Variants in OTOF observed in about 807,000 individuals in gnomAD.
OTOF encodes otoferlin.
Under a neutral mutation model 236.8 loss-of-function variants are expected in OTOF, and 218 were observed. That is an observed-to-expected ratio of 0.92 (90% CI 0.82 to 1.03). OTOF has a LOEUF of 1.03. Ranked by LOEUF, OTOF falls within the 50% of genes least tolerant of loss-of-function variation. The pLI is 0.00. For synonymous variants in OTOF, 1,041 were observed against 1,072.5 expected (o/e 0.97, Z 0.57); for missense variants, 2,590 against 2,694.4 (o/e 0.96, Z 0.86).
rs202137298 is a variant in OTOF at position 26,476,858 on chromosome 2, C to A, written c.2676+33G>T. On this transcript the variant is annotated intron_variant, in intron 22 of 46. Coordinates refer to ENST00000272371, the MANE Select transcript of OTOF (RefSeq NM_194248.3). ...GGGGCTGCTGCTCCCCTGAAAGGAC[C>A]CAGGCCCCCATCCATCCTGCCCCCT... 1.9e-6 allele frequency: 3 copies of A among 1,598,114 alleles called. No individual in the cohort carries two copies. In the African/African-American group the frequency reaches 4.0e-5, roughly 21 times the overall value.
At chr2:26,480,648 T>C (rs890771151) in intron 15 of OTOF, 138 bp downstream of exon 15, 3 of 732,938 alleles carry the variant, frequency 4.1e-6, no homozygotes, top group Non-Finnish European at 7.1e-6. Flanking sequence ...CTCTGCTTCC[T>C]GGGGAGAAGC....
At chr2:26,464,554 T>G (rs921312655) in intron 39 of OTOF, among the ~76,000 whole-genome samples, 5 of 152,114 alleles carry the variant, frequency 3.3e-5, no homozygotes, top group African/African-American at 4.8e-5. Context: ...AAGAGCCACA[T>G]GACCTTGGGC....
In OTOF at chr2:26,475,390, A is replaced by G. The variant is rs1160763345; in HGVS notation, c.3095T>C (p.Ile1032Thr). ...AHELRDDPPI[I>T]VIEIYDQDSM... ...ATCCTGGTCATAGATTTCAATGACA[A>G]TGATGGGCGGATCGTCCCTCAGCTC... The change falls in exon 25 of 47, where the codon ATT becomes ACT. Residue 1032 changes from isoleucine to threonine, a missense_variant. By Grantham distance (89) the Ile-to-Thr change is moderately conservative (BLOSUM62 -1). Coordinates refer to ENST00000272371, the MANE Select transcript of OTOF (RefSeq NM_194248.3). The G allele has an allele frequency of 2.0e-5, 33 of 1,613,028 alleles. No homozygotes were observed. Among genetic ancestry groups the G allele is most frequent in the Non-Finnish European group, 2.3e-5 (27 of 1,179,980 alleles).
chr2:26,476,480 C>T (rs1233512546), intron 22 of OTOF, among the ~76,000 whole-genome samples, 163 bp from the exon 23 acceptor site: 2 of 148,336 alleles, frequency 1.3e-5, no homozygotes, highest in Non-Finnish European at 3.0e-5. Context: ...GGCAGGGGGC[C>T]GTCATGCCCC....
At chr2:26,490,592 T>C (rs1200065407) in intron 9 of OTOF, among the ~76,000 whole-genome samples, 2 of 152,154 alleles carry the variant, frequency 1.3e-5, no homozygotes, top group Non-Finnish European at 2.9e-5. Context: ...TTGGGGTAAA[T>C]GTCCGAAGAG....
chr2:26,487,507 G>A (rs1274270111), intron 11 of OTOF, among the ~76,000 whole-genome samples: 1 of 152,192 alleles, frequency 6.6e-6, no homozygotes, highest in African/African-American at 2.4e-5. Flanking sequence ...TCCTTATGGT[G>A]AAATGGGAAT....
intron 3 of OTOF, among the ~76,000 whole-genome samples, chr2:26,525,311 A>G (rs1219260209): frequency 1.3e-5 from 2 of 152,312 alleles, no homozygotes; most frequent in Admixed American, 1.3e-4. Context: ...CTTGGAGCCC[A>G]TATGGTGGGG....
intron 15 of OTOF, 34 bp downstream of exon 15, chr2:26,480,752 G>T (rs967256956): frequency 9.6e-6 from 15 of 1,559,998 alleles, no homozygotes; most frequent in African/African-American, 5.4e-5. Flanking sequence ...TGAGCTGGAG[G>T]CCCTGGGGGA....
intron 5 of OTOF, among the ~76,000 whole-genome samples, chr2:26,510,279 T>C (rs1666350438): frequency 2.0e-5 from 3 of 152,082 alleles, no homozygotes; most frequent in Non-Finnish European, 2.9e-5. Flanking sequence ...TCCTCCTCCT[T>C]ATGCCTCCAG....
chr2:26,514,556 C>G (rs1350915813), intron 5 of OTOF, among the ~76,000 whole-genome samples: 2 of 152,228 alleles, frequency 1.3e-5, no homozygotes, highest in African/African-American at 4.8e-5. Flanking sequence ...GCCTTCGTGG[C>G]TGCTAAGGGC....
Position 26,461,574 on chromosome 2 carries a change from G to C in OTOF, c.5533+122C>G. On this transcript the variant is annotated intron_variant, in intron 43 of 46. Transcript: ENST00000272371. The surrounding 1 kb of genome is among the most constrained non-coding windows in gnomAD (Gnocchi z 6.2). ...AACCCCGTCGGACACCCCTGGCTCT[G>C]ATGGACTGGAAGCAATGACCCCTTG... 2 of 1,385,112 alleles carry C rather than the reference G, an allele frequency of 1.4e-6. No homozygotes were observed. The highest frequency in any genetic ancestry group is 2.0e-6 in the Non-Finnish European group (2 of 998,888). 85.8% of individuals were successfully genotyped at this position (1,385,112 alleles called of 1,614,324 possible).
chr2:26,474,720 C>A (rs1480942183), intron 25 of OTOF, 46 bp from the exon 26 acceptor site: 1 of 1,606,102 alleles, frequency 6.2e-7, no homozygotes, highest in Non-Finnish European at 8.5e-7. Flanking sequence ...TTGCTGTCCA[C>A]ACCTGTGATC....
At position 26,461,996 on chromosome 2, in the gene OTOF, G is replaced by T; in HGVS notation, c.5292-59C>A. 1 of 1,613,352 alleles carries T rather than the reference G, an allele frequency of 6.2e-7. No homozygotes were observed. The highest frequency in any genetic ancestry group is 2.2e-5 in the East Asian group (1 of 44,864). ...GCTGGTGGGGCCTCTCCCACCCACAGCCACCTTCCCTCTGCCTCCTCTCCT... is the reference window on the plus strand; with the variant it reads ...GCTGGTGGGGCCTCTCCCACCCACATCCACCTTCCCTCTGCCTCCTCTCCT... On this transcript the variant is annotated intron_variant, in intron 42 of 46. Transcript: ENST00000272371. This position sits in a 1 kb window ranked among gnomAD's most constrained non-coding sequence, Gnocchi z 6.2.
chr2:26,510,344 C>T lies in OTOF; in HGVS notation c.509+6074G>A, dbSNP rs56041458. ...AGAGGGATCCCTGAGGTCCTCATGC[C>T]CCTCTCCCCTTAGCCTTTAGCTGTC... On this transcript the variant is annotated intron_variant, in intron 5 of 46. Transcript: ENST00000272371. 5.0e-3 allele frequency among the ~76,000 whole-genome samples: 766 copies of T among 152,204 alleles called. 5 individuals are homozygous for T. Among genetic ancestry groups the T allele is most frequent in the African/African-American group, 0.018 (746 of 41,522 alleles).
At chr2:26,548,204 A>AT (rs1007241017) in intron 1 of OTOF, among the ~76,000 whole-genome samples, 2 of 150,982 alleles carry the variant, frequency 1.3e-5, no homozygotes, top group African/African-American at 2.4e-5. Flanking sequence ...TATTTTATTA[A>AT]TTTTTTTTGA....
At chr2:26,482,290 T>C in intron 14 of OTOF, 116 bp downstream of exon 14, 1 of 1,019,742 alleles carries the variant, frequency 9.8e-7, no homozygotes, top group Non-Finnish European at 1.5e-6. Flanking sequence ...TGGAAGCACC[T>C]GTGAGGCTGA....
At position 26,460,229 on chromosome 2, in the gene OTOF, G is replaced by A. The variant is rs547154279; in HGVS notation, c.5814-24C>T. On this transcript the variant is annotated intron_variant, in intron 45 of 46. Coordinates refer to ENST00000272371, the MANE Select transcript of OTOF (RefSeq NM_194248.3). This position sits in a 1 kb window ranked among gnomAD's most constrained non-coding sequence, Gnocchi z 5.3. ...GGCTGGAGTATGAAGGGTAGAGAGC[G>A]CAGAGGAGGGACAGGGAGGAGAAGG... 1.6e-5 allele frequency: 26 copies of A among 1,577,994 alleles called. No homozygotes were observed. The highest frequency in any genetic ancestry group is 7.1e-5 in the Admixed American group (4 of 56,242).
chr2:26,524,463 T>A (rs1029105703), intron 3 of OTOF, among the ~76,000 whole-genome samples: 3 of 152,208 alleles, frequency 2.0e-5, no homozygotes, highest in Non-Finnish European at 4.4e-5. Flanking sequence ...GAGCCGAGAC[T>A]AGGCCACTGC....
intron 3 of OTOF, among the ~76,000 whole-genome samples, chr2:26,521,574 C>T (rs1371920898): frequency 1.3e-5 from 2 of 152,200 alleles, no homozygotes; most frequent in Non-Finnish European, 2.9e-5. Flanking sequence ...CTAGATACTC[C>T]GGTGGTGGTG....
Sources: allele counts gnomAD v4.1 joint callset (sites outside exome capture counted in the v4.1 genomes callset), GRCh38; gene constraint gnomAD v4.1.1; non-coding constraint Gnocchi (gnomAD v3.1); transcripts MANE v1.5; gene names NCBI Gene and HGNC (gene_info 2026-07-23, HGNC 2026-07-21).